NELL1: variants seen among roughly 807,000 people sequenced by gnomAD.
NELL1 encodes protein kinase C-binding protein NELL1.
NELL1 carries 76 observed loss-of-function variants against 107.4 expected under a neutral mutation model. The ratio of observed to expected loss-of-function variants is 0.71; its 90% CI spans 0.59 to 0.86. NELL1 has a LOEUF of 0.86. NELL1 is among the 40% of genes least tolerant of loss of function. The pLI, the probability that NELL1 is intolerant of heterozygous loss-of-function variation, is 0.00. For missense variants in NELL1, 1,024 were observed against 1,005.5 expected, an observed-to-expected ratio of 1.02 and a Z score of -0.25; for synonymous variants, 353 against 341.2, an observed-to-expected ratio of 1.03 and a Z score of -0.38.
intron 15 of NELL1, among the ~76,000 whole-genome samples, chr11:21,474,354 C>T (rs990428205): frequency 2.0e-5 from 3 of 150,268 alleles, no homozygotes; most frequent in African/African-American, 7.4e-5. Flanking sequence ...TGTAGATCTC[C>T]CACCACTGAT....
At chr11:20,802,464 T>C (rs1857299611) in intron 3 of NELL1, among the ~76,000 whole-genome samples, 1 of 152,172 alleles carries the variant, frequency 6.6e-6, no homozygotes, top group Non-Finnish European at 1.5e-5. Context: ...TCTAATCTTT[T>C]TGTGGATCCT....
chr11:21,435,783 T>G (rs1853098086), intron 15 of NELL1, among the ~76,000 whole-genome samples: 1 of 150,278 alleles, frequency 6.7e-6, no homozygotes, highest in Admixed American at 6.6e-5. Flanking sequence ...CTGTACTTTG[T>G]GTGTGTGTGT....
intron 2 of NELL1, among the ~76,000 whole-genome samples, chr11:20,761,939 C>T (rs950006418): frequency 1.3e-5 from 2 of 152,144 alleles, no homozygotes; most frequent in African/African-American, 2.4e-5. Flanking sequence ...TTTGAAGGGA[C>T]CTGGTAGCCT....
At chr11:21,455,574 C>T (rs1430885195) in intron 15 of NELL1, among the ~76,000 whole-genome samples, 1 of 151,856 alleles carries the variant, frequency 6.6e-6, no homozygotes. Flanking sequence ...GCTTAAGCAA[C>T]CCTCCCACCT....
intron 16 of NELL1, among the ~76,000 whole-genome samples, chr11:21,544,514 G>A (rs968386133): frequency 1.3e-5 from 2 of 151,856 alleles, no homozygotes; most frequent in Non-Finnish European, 2.9e-5. Context: ...AAGGATGGAA[G>A]GGTTTAGGTA....
intron 2 of NELL1, among the ~76,000 whole-genome samples, chr11:20,744,688 G>A (rs187694093): frequency 9.2e-5 from 14 of 152,342 alleles, no homozygotes; most frequent in Admixed American, 5.2e-4. Context: ...CTATTGCACA[G>A]CATGTTTTAA....
intron 15 of NELL1, among the ~76,000 whole-genome samples, chr11:21,522,996 C>G (rs1855767668): frequency 6.6e-6 from 1 of 151,566 alleles, no homozygotes; most frequent in African/African-American, 2.4e-5. Flanking sequence ...AGGCGCCCAC[C>G]ACCACGCCCG....
intron 14 of NELL1, among the ~76,000 whole-genome samples, chr11:21,251,245 A>G (rs1452139524): frequency 1.3e-5 from 2 of 152,148 alleles, no homozygotes; most frequent in African/African-American, 2.4e-5. Flanking sequence ...TACCTGTATG[A>G]CAGTATGTGA....
At chr11:20,727,282 C>A (rs1044709870) in intron 2 of NELL1, among the ~76,000 whole-genome samples, 1 of 152,096 alleles carries the variant, frequency 6.6e-6, no homozygotes, top group African/African-American at 2.4e-5. Flanking sequence ...TTTTAATGAT[C>A]GCCATTTTAA....
chr11:21,135,791 G>A (rs1855732457), intron 13 of NELL1, among the ~76,000 whole-genome samples: 1 of 151,922 alleles, frequency 6.6e-6, no homozygotes, highest in South Asian at 2.1e-4. Flanking sequence ...TCTCTCTCAT[G>A]TAACTTTATG....
intron 17 of NELL1, among the ~76,000 whole-genome samples, chr11:21,568,332 C>T (rs191789423): frequency 1.8e-3 from 266 of 151,872 alleles, no homozygotes; most frequent in Admixed American, 3.2e-3. Flanking sequence ...ACGGGACTAG[C>T]AGTTATGGTA....
At chr11:21,411,221 G>A (rs1852369429) in intron 15 of NELL1, among the ~76,000 whole-genome samples, 2 of 151,994 alleles carry the variant, frequency 1.3e-5, no homozygotes, top group South Asian at 2.1e-4. Context: ...CATAGAGTAG[G>A]CATTCAAGAA....
intron 14 of NELL1, among the ~76,000 whole-genome samples, chr11:21,239,051 G>A (rs947004649): frequency 1.3e-5 from 2 of 151,962 alleles, no homozygotes; most frequent in African/African-American, 2.4e-5. Context: ...TGATACTTAG[G>A]TTAGTGTTTG....
chr11:21,506,450 C>T (rs1428969850), intron 15 of NELL1, among the ~76,000 whole-genome samples: 1 of 152,128 alleles, frequency 6.6e-6, no homozygotes, highest in Non-Finnish European at 1.5e-5. Context: ...TATAATGACT[C>T]TGTGCTCTTT....
intron 15 of NELL1, among the ~76,000 whole-genome samples, chr11:21,447,639 A>G (rs1853467281): frequency 6.6e-6 from 1 of 152,064 alleles, no homozygotes; most frequent in South Asian, 2.1e-4. Flanking sequence ...GAAGGAAGAG[A>G]TCTCTTTCAG....
chr11:20,782,920 A>C (rs1856879277), intron 2 of NELL1, among the ~76,000 whole-genome samples: 1 of 152,188 alleles, frequency 6.6e-6, no homozygotes, highest in African/African-American at 2.4e-5. Flanking sequence ...TATTGGAGAA[A>C]GAAACATTCT....
chr11:21,238,532 G>A (rs1858268226), intron 14 of NELL1, among the ~76,000 whole-genome samples: 2 of 152,086 alleles, frequency 1.3e-5, no homozygotes. Context: ...GGTCGTAGTG[G>A]AGAGGCACAG....
At chr11:21,198,862 G>A (rs1378018355) in intron 13 of NELL1, among the ~76,000 whole-genome samples, 1 of 152,052 alleles carries the variant, frequency 6.6e-6, no homozygotes, top group Non-Finnish European at 1.5e-5. Flanking sequence ...CCCTTCACCT[G>A]GATTATGTTC....
At chr11:21,529,611 T>C (rs559248023) in intron 15 of NELL1, among the ~76,000 whole-genome samples, 46 of 152,330 alleles carry the variant, frequency 3.0e-4, no homozygotes, top group African/African-American at 1.0e-3. Context: ...TTATAGATTC[T>C]ATTCCTGAAT....
Sources: gnomAD v4.1 joint callset for allele counts (sites outside exome capture counted in the v4.1 genomes callset) on GRCh38, gnomAD v4.1.1 for gene constraint, MANE v1.5 for transcripts, NCBI Gene and HGNC (gene_info 2026-07-23, HGNC 2026-07-21) for gene names.